DHRSX: variants seen among roughly 807,000 people sequenced by gnomAD.
DHRSX encodes polyprenol dehydrogenase.
Under a neutral mutation model 34.0 loss-of-function variants are expected in DHRSX, and 31 were observed. The observed-to-expected ratio is 0.91, with a 90% CI of 0.69 to 1.23. The LOEUF is 1.23. DHRSX is among the 50% of genes most tolerant of loss of function. The pLI is 0.00. For missense variants in DHRSX, 414 were observed against 428.1 expected (o/e 0.97, Z 0.29); for synonymous variants, 201 against 183.8 (o/e 1.09, Z -0.76).
intron 3 of DHRSX, among the ~76,000 whole-genome samples, chrX:2,343,993 G>C (rs950669811): frequency 6.6e-6 from 1 of 152,080 alleles, no homozygotes; most frequent in African/African-American, 2.4e-5. Context: ...AAGTCCTAAG[G>C]AGAATTGCCT....
At chrX:2,227,385 G>T (rs2015694148) in intron 6 of DHRSX, among the ~76,000 whole-genome samples, 1 of 150,996 alleles carries the variant, frequency 6.6e-6, no homozygotes, top group Non-Finnish European at 1.5e-5. Flanking sequence ...ATAGAGAAAG[G>T]AATTAAGGAA....
intron 4 of DHRSX, among the ~76,000 whole-genome samples, chrX:2,282,588 GAAGA>G (rs1355100602): frequency 2.1e-5 from 3 of 142,578 alleles, no homozygotes; most frequent in South Asian, 2.3e-4. Context: ...GGGAGAGAGA[GAAGA>G]AAGAGGGGAG....
chrX:2,380,950 C>T lies in DHRSX; in HGVS notation c.286+27795G>A, dbSNP rs187727583. On this transcript the variant is annotated intron_variant, in intron 3 of 6. Coordinates refer to ENST00000334651, the MANE Select transcript of DHRSX (RefSeq NM_145177.3). ...TGTGATCTCGGCTCACTGCAACCTCCGCCTCCGAGGTTCAAGCGATTCTCC... is the reference window on the plus strand; with the variant it reads ...TGTGATCTCGGCTCACTGCAACCTCTGCCTCCGAGGTTCAAGCGATTCTCC... 1.7e-4 allele frequency among the ~76,000 whole-genome samples: 26 copies of T among 151,598 alleles called. 1 individual carries two copies. Among genetic ancestry groups the T allele is most frequent in the Admixed American group, 1.3e-3 (20 of 15,218 alleles).
In DHRSX at chrX:2,221,140, T is replaced by C. The variant is rs751401108; in HGVS notation, c.894A>G (p.Lys298=). The change falls in exon 7 of 7, where the codon AAA becomes AAG. Residue 298 remains lysine (K), a synonymous_variant. Transcript: ENST00000334651. ...AGGTGACGTGGAGGGACTTGGTCTC[T>C]TTCTCGTTGTATAGGTAATGGCCAC... The part of the protein sequence containing the change: ...GVGGHYLYNE[K]ETKSLHVTYN... 1.2e-6 allele frequency: 2 copies of C among 1,613,900 alleles called. No homozygotes were observed. Among genetic ancestry groups the C allele is most frequent in the Admixed American group, 1.7e-5 (1 of 59,998 alleles).
chrX:2,322,636 C>A (rs934077529), intron 3 of DHRSX, among the ~76,000 whole-genome samples: 1 of 151,404 alleles, frequency 6.6e-6, no homozygotes, highest in African/African-American at 2.4e-5. Flanking sequence ...CCTGCCTCAG[C>A]CTCCTGAGTA....
chrX:2,255,694 C>T lies in DHRSX; in HGVS notation c.596+11046G>A, dbSNP rs745514017. Among the ~76,000 whole-genome samples, 14 of 151,822 alleles carry T rather than the reference C, an allele frequency of 9.2e-5. No homozygotes were observed. The East Asian group carries it at 2.3e-3, about 25-fold the overall frequency. ...GGGAAGTCGAAGTGGGCAGATCATT[C>T]GAGGTCAGGAGTTCGAGACCAGCCT... On this transcript the variant is annotated intron_variant, in intron 5 of 6. Coordinates refer to ENST00000334651, the MANE Select transcript of DHRSX (RefSeq NM_145177.3).
intron 2 of DHRSX, among the ~76,000 whole-genome samples, chrX:2,423,456 G>A: frequency 6.6e-6 from 1 of 152,102 alleles, no homozygotes; most frequent in Admixed American, 6.5e-5. Flanking sequence ...GCTTGGCATG[G>A]TGGTGCACGC....
intron 1 of DHRSX, among the ~76,000 whole-genome samples, chrX:2,448,718 A>G (rs895546143): frequency 7.9e-5 from 12 of 152,218 alleles, no homozygotes; most frequent in Admixed American, 3.9e-4. Flanking sequence ...TTAATGAACA[A>G]TACATTTTCT....
rs2044866653 is a variant in DHRSX, at chrX:2,485,473, G to A, written c.109+15344C>T. Among the ~76,000 whole-genome samples, 3 of 150,048 alleles carry A rather than the reference G, an allele frequency of 2.0e-5. No homozygotes were observed. In the South Asian group the frequency reaches 6.4e-4, roughly 32 times the overall value. ...TTGGGGGCCATTGTTTTCTCAGGAGGGAGGAAAAGAGGGAGGGAGGAAGGA... is the reference window on the plus strand; with the variant it reads ...TTGGGGGCCATTGTTTTCTCAGGAGAGAGGAAAAGAGGGAGGGAGGAAGGA... On this transcript the variant is annotated intron_variant, in intron 1 of 6. Coordinates refer to ENST00000334651, the MANE Select transcript of DHRSX (RefSeq NM_145177.3).
At chrX:2,372,658 G>C (rs1445359272) in intron 3 of DHRSX, among the ~76,000 whole-genome samples, 1 of 151,392 alleles carries the variant, frequency 6.6e-6, no homozygotes, top group African/African-American at 2.4e-5. Context: ...GCCCAGGCTG[G>C]AGTGCAATGG....
At chrX:2,438,476 G>C (rs1182928906) in intron 1 of DHRSX, among the ~76,000 whole-genome samples, 1 of 152,080 alleles carries the variant, frequency 6.6e-6, no homozygotes, top group African/African-American at 2.4e-5. Flanking sequence ...TTTGAGACCA[G>C]CCTGACTAAC....
intron 3 of DHRSX, among the ~76,000 whole-genome samples, chrX:2,317,731 G>C (rs2042258112): frequency 6.6e-6 from 1 of 152,138 alleles, no homozygotes; most frequent in Non-Finnish European, 1.5e-5. Context: ...CAAAGTGCGG[G>C]TAGAGGAACA....
At chrX:2,430,569 G>A (rs1019938699) in intron 1 of DHRSX, among the ~76,000 whole-genome samples, 5 of 152,092 alleles carry the variant, frequency 3.3e-5, no homozygotes, top group Non-Finnish European at 5.9e-5. Context: ...CCAATTCCTC[G>A]CCGTCTCTTT....
intron 3 of DHRSX, chrX:2,392,406 C>T: frequency 7.2e-6 from 2 of 278,170 alleles, no homozygotes; most frequent in South Asian, 3.4e-5. Flanking sequence ...CCTCGAGAGG[C>T]TGAGGTGGGA....
intron 3 of DHRSX, among the ~76,000 whole-genome samples, chrX:2,329,241 T>A (rs1282948243): frequency 6.6e-6 from 1 of 152,114 alleles, no homozygotes; most frequent in Non-Finnish European, 1.5e-5. Context: ...CATACTCTAA[T>A]AGTCCATGAC....
intron 6 of DHRSX, among the ~76,000 whole-genome samples, chrX:2,235,434 A>T (rs1033963236): frequency 2.6e-5 from 4 of 152,036 alleles, no homozygotes; most frequent in African/African-American, 9.7e-5. Flanking sequence ...ATTTATAATA[A>T]ATAAGTGAAT....
At chrX:2,399,578 C>T (rs1326772663) in intron 3 of DHRSX, among the ~76,000 whole-genome samples, 22 of 151,720 alleles carry the variant, frequency 1.5e-4, no homozygotes, top group Admixed American at 3.9e-4. Flanking sequence ...TGATGGTGCA[C>T]GCCTGTAATC....
intron 3 of DHRSX, among the ~76,000 whole-genome samples, chrX:2,401,751 C>A (rs1456329614): frequency 6.6e-6 from 1 of 152,148 alleles, no homozygotes; most frequent in African/African-American, 2.4e-5. Flanking sequence ...ACTATTTGTT[C>A]TAAGTAAGAC....
At chrX:2,315,174 AAC>A (rs2042227442) in intron 3 of DHRSX, among the ~76,000 whole-genome samples, 1 of 151,628 alleles carries the variant, frequency 6.6e-6, no homozygotes, top group East Asian at 1.9e-4. Flanking sequence ...AAAAAAAAAA[AAC>A]GTTAGGTCTT....
Sources: gnomAD v4.1 joint callset for allele counts (sites outside exome capture counted in the v4.1 genomes callset) on GRCh38, gnomAD v4.1.1 for gene constraint, MANE v1.5 for transcripts, NCBI Gene and HGNC (gene_info 2026-07-23, HGNC 2026-07-21) for gene names.